The following CACNA2D1 variants were observed in gnomAD, a reference collection of about 807,000 sequenced individuals.
The protein encoded by CACNA2D1 is voltage-dependent calcium channel subunit alpha-2/delta-1.
CACNA2D1 carries 53 observed loss-of-function variants against 171.5 expected under a neutral mutation model. The ratio of observed to expected loss-of-function variants is 0.31; its 90% CI spans 0.25 to 0.39. CACNA2D1 has a LOEUF of 0.39. Among genes scored for constraint, CACNA2D1 ranks in the 10% least tolerant of loss-of-function variants. CACNA2D1 has a pLI of 1.00. For missense variants in CACNA2D1, 903 were observed against 1,299.8 expected, an observed-to-expected ratio of 0.69 and a Z score of 4.69; for synonymous variants, 442 against 443.1, an observed-to-expected ratio of 1.00 and a Z score of 0.03.
At chr7:82,253,095 G>C (rs1805866048) in intron 3 of CACNA2D1, among the ~76,000 whole-genome samples, 1 of 152,176 alleles carries the variant, frequency 6.6e-6, no homozygotes, top group African/African-American at 2.4e-5. Context: ...ATGGAAGTGT[G>C]AGTGGATTAT....
In CACNA2D1 at chr7:82,117,080, C is replaced by T. The variant is rs1224350198; in HGVS notation, c.490G>A (p.Ala164Thr). ...ATGTCAGTAGGAATATGGACTGCTG[C>T]GTGCTGATAAGATATTTGTCGTCCA... Reference protein sequence around the residue: ...NFGRQISYQHAAVHIPTDIYE... With the variant: ...NFGRQISYQHTAVHIPTDIYE... The change falls in exon 6 of 39, where the codon GCA (alanine) becomes ACA (threonine). Residue 164 changes from alanine to threonine, a missense_variant. Around this residue, in one of 5 missense-constraint regions of CACNA2D1, gnomAD observed 189 missense variants for 266.8 expected, o/e 0.71. Coordinates refer to ENST00000356860, the MANE Select transcript of CACNA2D1 (RefSeq NM_000722.4). 5 of 1,613,704 alleles carry T rather than the reference C, an allele frequency of 3.1e-6. No individual in the cohort carries two copies. The highest frequency in any genetic ancestry group is 1.1e-5 in the South Asian group (1 of 91,084).
intron 10 of CACNA2D1, among the ~76,000 whole-genome samples, chr7:82,053,859 TTC>T (rs1486476593): frequency 1.3e-5 from 2 of 152,184 alleles, no homozygotes; most frequent in African/African-American, 2.4e-5. Flanking sequence ...GAGTAATATA[TTC>T]TGTTTTCCCA....
chr7:82,041,790 G>A (rs1803992375), intron 10 of CACNA2D1, among the ~76,000 whole-genome samples: 1 of 152,058 alleles, frequency 6.6e-6, no homozygotes. Context: ...CCCTGTATTG[G>A]TAAGTAAAAA....
chr7:82,116,246 C>A (rs1240743305), intron 6 of CACNA2D1, among the ~76,000 whole-genome samples: 2 of 152,118 alleles, frequency 1.3e-5, no homozygotes, highest in East Asian at 3.9e-4. Context: ...TGAACAAATA[C>A]CCTGTTTCTG....
intron 3 of CACNA2D1, among the ~76,000 whole-genome samples, chr7:82,245,082 G>C (rs572291098): frequency 2.4e-4 from 37 of 152,288 alleles, no homozygotes; most frequent in African/African-American, 8.9e-4. Flanking sequence ...GAATAAAATA[G>C]ATGTAGCAAC....
intron 6 of CACNA2D1, among the ~76,000 whole-genome samples, chr7:82,111,365 T>A (rs1428981713): frequency 2.0e-4 from 24 of 122,092 alleles, no homozygotes; most frequent in Non-Finnish European, 1.8e-4. Context: ...TGTATATATG[T>A]ATATATATAT....
chr7:82,068,986 A>C (rs1412843817), intron 7 of CACNA2D1, among the ~76,000 whole-genome samples: 1 of 152,156 alleles, frequency 6.6e-6, no homozygotes, highest in Non-Finnish European at 1.5e-5. Flanking sequence ...GGTGGTTTAT[A>C]TTTCAAAATA....
chr7:82,155,959 G>A (rs542560681), intron 4 of CACNA2D1, among the ~76,000 whole-genome samples: 4 of 152,136 alleles, frequency 2.6e-5, no homozygotes, highest in Non-Finnish European at 5.9e-5. Context: ...ACTTTTAATA[G>A]TCACACATTG....
chr7:82,419,644 CA>C (rs1405933816), intron 1 of CACNA2D1, among the ~76,000 whole-genome samples: 1 of 152,156 alleles, frequency 6.6e-6, no homozygotes, highest in Non-Finnish European at 1.5e-5. Flanking sequence ...TTGAACTACC[CA>C]ATTTACCTGT....
intron 7 of CACNA2D1, among the ~76,000 whole-genome samples, chr7:82,081,783 G>C (rs917979938): frequency 7.2e-5 from 11 of 152,312 alleles, no homozygotes; most frequent in African/African-American, 2.4e-4. Context: ...TGTGCCTGCT[G>C]GTCAGCACCC....
intron 1 of CACNA2D1, among the ~76,000 whole-genome samples, chr7:82,391,079 C>T (rs138443705): frequency 1.1e-3 from 170 of 152,236 alleles, no homozygotes; most frequent in East Asian, 0.011. Flanking sequence ...AGCAAGACAA[C>T]TGGCCCATTA....
intron 15 of CACNA2D1, among the ~76,000 whole-genome samples, chr7:82,011,609 G>A (rs1437423299): frequency 6.6e-6 from 1 of 152,110 alleles, no homozygotes; most frequent in Admixed American, 6.6e-5. Flanking sequence ...AAAGTATGAG[G>A]TTGAATCTAG....
intron 7 of CACNA2D1, among the ~76,000 whole-genome samples, chr7:82,073,739 TACAGGTGCCC>T (rs759755800): frequency 4.6e-5 from 7 of 152,130 alleles, no homozygotes; most frequent in Non-Finnish European, 7.4e-5. Context: ...TAGCTGGGAT[TACAGGTGCCC>T]ACAACCACAC....
chr7:82,371,210 A>G (rs1052305803), intron 1 of CACNA2D1, among the ~76,000 whole-genome samples: 2 of 152,222 alleles, frequency 1.3e-5, no homozygotes, highest in African/African-American at 4.8e-5. Flanking sequence ...ACCTAGTCAC[A>G]GAAAGAGTGT....
chr7:82,265,411 C>CCTTT (rs1421761850), intron 3 of CACNA2D1, among the ~76,000 whole-genome samples: 2 of 93,942 alleles, frequency 2.1e-5, no homozygotes, highest in African/African-American at 7.1e-5. Context: ...AACAATTTTT[C>CCTTT]CTTTCTTTTT....
In CACNA2D1 at chr7:81,949,912, A is replaced by G. The variant is rs1792334463; in HGVS notation, c.*480T>C. On this transcript the variant is annotated 3_prime_UTR_variant, in exon 39 of 39. Coordinates refer to ENST00000356860, the MANE Select transcript of CACNA2D1 (RefSeq NM_000722.4). ...ACCAATGTTAATTCTCTCTTTCTCT[A>G]TATATTTCAATAATTGCTACTTAAA... 6.3e-6 allele frequency: 1 copy of G among 158,112 alleles called. No homozygotes were observed. Among genetic ancestry groups the G allele is most frequent in the Non-Finnish European group, 1.4e-5 (1 of 71,592 alleles). The allele number at this position is 158,112 out of a possible 1,614,324, so 9.8% of individuals were successfully genotyped here.
intron 3 of CACNA2D1, among the ~76,000 whole-genome samples, chr7:82,249,518 C>T (rs1381300335): frequency 1.3e-5 from 2 of 152,156 alleles, no homozygotes; most frequent in Non-Finnish European, 2.9e-5. Context: ...AAGACATTTC[C>T]TTGGTTCTTA....
chr7:81,983,243 G>C, intron 23 of CACNA2D1, 71 bp downstream of exon 23: 1 of 1,281,314 alleles, frequency 7.8e-7, no homozygotes, highest in Non-Finnish European at 1.1e-6. Flanking sequence ...ATATCCAATA[G>C]GAAGGAAAAT....
intron 3 of CACNA2D1, among the ~76,000 whole-genome samples, chr7:82,200,577 T>C (rs1203366929): frequency 6.6e-6 from 1 of 152,162 alleles, no homozygotes; most frequent in Non-Finnish European, 1.5e-5. Context: ...TATACCATGG[T>C]ACTCTTTTTT....
Sources: allele counts gnomAD v4.1 joint callset (sites outside exome capture counted in the v4.1 genomes callset), GRCh38; gene constraint gnomAD v4.1.1; regional missense constraint gnomAD v4.1.1; transcripts MANE v1.5; gene names NCBI Gene and HGNC (gene_info 2026-07-23, HGNC 2026-07-21).